DMD: variants seen among roughly 807,000 people sequenced by gnomAD.
DMD encodes dystrophin.
A neutral mutation model predicts 330.1 loss-of-function variants in DMD; 63 were observed. The observed-to-expected ratio is 0.19, with a 90% CI of 0.16 to 0.24. The LOEUF (loss-of-function observed/expected upper bound fraction) is 0.24. Ranked by LOEUF, DMD falls within the 10% of genes least tolerant of loss-of-function variation. The probability of loss-of-function intolerance (pLI) is 1.00; values close to 1 mark genes in which losing one functional copy is unlikely to be tolerated. For missense variants in DMD, 3,344 were observed against 2,684.1 expected (o/e 1.25, Z -5.43); for synonymous variants, 1,223 against 959.8 (o/e 1.27, Z -5.07).
intron 4 of DMD, among the ~76,000 whole-genome samples, chrX:32,833,459 A>G (rs1276302053): frequency 9.0e-6 from 1 of 110,678 alleles, no homozygotes; most frequent in African/African-American, 3.3e-5. Context: ...TAAACTCAAC[A>G]AAATTCCTTA....
intron 7 of DMD, among the ~76,000 whole-genome samples, chrX:32,775,299 T>A (rs1452225000): frequency 8.9e-6 from 1 of 112,260 alleles, no homozygotes; most frequent in Non-Finnish European, 1.9e-5. Context: ...GTGGGCCTCT[T>A]CTCATGGCTC....
chrX:32,819,030 G>C (rs2078003393), intron 5 of DMD, among the ~76,000 whole-genome samples: 1 of 70,909 alleles, frequency 1.4e-5, no homozygotes, highest in Non-Finnish European at 2.5e-5. Context: ...TTTTTTTCCA[G>C]GGCATGGCTT....
In DMD at chrX:32,389,636, G is replaced by A. The variant is rs752977828; in HGVS notation, c.4383C>T (p.Phe1461=). 5.1e-5 allele frequency: 62 copies of A among 1,208,793 alleles called. No homozygotes were observed. Among genetic ancestry groups the A allele is most frequent in the Middle Eastern group, 2.3e-4 (1 of 4,349 alleles). The change falls in exon 32 of 79, where the codon TTC becomes TTT. Residue 1461 remains phenylalanine (F), a synonymous_variant. Coordinates refer to ENST00000357033, the MANE Select transcript of DMD (RefSeq NM_004006.3). ...GCTGCTCAAAATTGGCTGGTTTCTG[G>A]AATAATCGAAACTTCATGGAGACAT... The part of the protein sequence containing the change: ...LQDVSMKFRL[F]QKPANFEQRL...
chrX:33,191,112 G>C (rs1182962435), intron 1 of DMD, among the ~76,000 whole-genome samples: 3 of 93,947 alleles, frequency 3.2e-5, no homozygotes, highest in African/African-American at 1.1e-4. Flanking sequence ...CATTACCCGC[G>C]CAAATAAGTT....
At chrX:32,885,314 T>C (rs1164067261) in intron 2 of DMD, among the ~76,000 whole-genome samples, 1 of 111,669 alleles carries the variant, frequency 9.0e-6, no homozygotes, top group Non-Finnish European at 1.9e-5. Flanking sequence ...CTGCTTCCTA[T>C]GGCTAGATTC....
chrX:32,960,750 C>A (rs917974836), intron 2 of DMD, among the ~76,000 whole-genome samples: 18 of 110,521 alleles, frequency 1.6e-4, no homozygotes, highest in African/African-American at 5.2e-4. Flanking sequence ...ATTAAACTGA[C>A]GTCCACTTTT....
At chrX:32,970,491 G>T in intron 2 of DMD, among the ~76,000 whole-genome samples, 1 of 92,461 alleles carries the variant, frequency 1.1e-5, no homozygotes. Context: ...AAAATTAGCT[G>T]GACATGGTGG....
At chrX:32,903,079 C>A (rs1186196791) in intron 2 of DMD, among the ~76,000 whole-genome samples, 3 of 91,966 alleles carry the variant, frequency 3.3e-5, no homozygotes, top group Non-Finnish European at 6.1e-5. Context: ...ATCCCTTGAA[C>A]CCGGGAGGCG....
chrX:32,575,750 C>T (rs2052971692), intron 13 of DMD, among the ~76,000 whole-genome samples: 1 of 111,671 alleles, frequency 9.0e-6, no homozygotes, highest in East Asian at 2.8e-4. Flanking sequence ...ACACCATCTA[C>T]CTGACGTGAT....
At chrX:32,778,389 A>G (rs1603407432) in intron 7 of DMD, among the ~76,000 whole-genome samples, 2 of 111,565 alleles carry the variant, frequency 1.8e-5, no homozygotes, top group South Asian at 3.8e-4. Context: ...CAGGCCCCAA[A>G]GCTGAACAGC....
At chrX:33,017,869 A>G (rs767812909) in intron 2 of DMD, among the ~76,000 whole-genome samples, 2 of 112,020 alleles carry the variant, frequency 1.8e-5, no homozygotes, top group African/African-American at 6.5e-5. Context: ...TAATCTGTGT[A>G]TCCTACAGGG....
intron 44 of DMD, among the ~76,000 whole-genome samples, chrX:32,093,891 A>G (rs777602518): frequency 9.0e-6 from 1 of 111,307 alleles, no homozygotes; most frequent in South Asian, 3.8e-4. Flanking sequence ...AAGAAAAATT[A>G]GTTTAAAATG....
chrX:32,757,949 G>A (rs1281380917), intron 7 of DMD, among the ~76,000 whole-genome samples: 1 of 111,317 alleles, frequency 9.0e-6, no homozygotes, highest in African/African-American at 3.3e-5. Flanking sequence ...TCTAGCAACA[G>A]GAGGAGGAGG....
rs182916104 is a variant in DMD, at chrX:32,013,374, C to T, written c.6439-44860G>A. Among the ~76,000 whole-genome samples, 652 of 111,126 alleles carry T rather than the reference C, an allele frequency of 5.9e-3. 1 individual carries two copies. The highest frequency in any genetic ancestry group is 0.01 in the Non-Finnish European group (552 of 53,058). ...TGCTGGGATTACAGGCGTGAGCCAC[C>T]GTGCCCAGCCAATTCATCTTTCTTT... On this transcript the variant is annotated intron_variant, in intron 44 of 78. Coordinates refer to ENST00000357033, the MANE Select transcript of DMD (RefSeq NM_004006.3).
intron 48 of DMD, among the ~76,000 whole-genome samples, chrX:31,873,268 T>G (rs2149671656): frequency 8.9e-6 from 1 of 111,929 alleles, no homozygotes; most frequent in Non-Finnish European, 1.9e-5. Context: ...CCATCTGCTC[T>G]TGAGGAGTAG....
chrX:31,400,179 C>A (rs2061126292), intron 60 of DMD, among the ~76,000 whole-genome samples: 1 of 111,525 alleles, frequency 9.0e-6, no homozygotes. Context: ...AAGCTGGGAA[C>A]TGCTTAGGGC....
At chrX:32,962,731 A>ACTTCCTGTACTTGATT (rs1557176109) in intron 2 of DMD, among the ~76,000 whole-genome samples, 3 of 112,188 alleles carry the variant, frequency 2.7e-5, no homozygotes, top group Non-Finnish European at 5.6e-5. Flanking sequence ...ATCTGGCTTA[A>ACTTCCTGTACTTGATT]TAATATATAG....
chrX:33,077,750 C>T (rs186398052), intron 1 of DMD, among the ~76,000 whole-genome samples: 2 of 112,076 alleles, frequency 1.8e-5, no homozygotes, highest in Admixed American at 1.9e-4. Flanking sequence ...CATTTGAAAT[C>T]ATTAGTTTGG....
intron 60 of DMD, among the ~76,000 whole-genome samples, chrX:31,444,223 G>A (rs2065128466): frequency 9.0e-6 from 1 of 110,849 alleles, no homozygotes; most frequent in Admixed American, 9.7e-5. Flanking sequence ...TGTTCTTTAT[G>A]AATTACCCAG....
Sources: gnomAD v4.1 joint callset for allele counts (sites outside exome capture counted in the v4.1 genomes callset) on GRCh38, gnomAD v4.1.1 for gene constraint, MANE v1.5 for transcripts, NCBI Gene and HGNC (gene_info 2026-07-23, HGNC 2026-07-21) for gene names.